The following PREX1 variants were observed in gnomAD, a reference collection of about 807,000 sequenced individuals.
PREX1 encodes the protein phosphatidylinositol-3,4,5-trisphosphate dependent Rac exchange factor 1.
In PREX1, 41 loss-of-function variants were observed where a neutral mutation model predicts 198.3. The observed-to-expected ratio is 0.21, with a 90% CI of 0.16 to 0.27. The LOEUF (loss-of-function observed/expected upper bound fraction) is 0.27, where lower values mean the gene tolerates loss of function less well. Among genes scored for constraint, PREX1 ranks in the 10% least tolerant of loss-of-function variants. The pLI, the probability that PREX1 is intolerant of heterozygous loss-of-function variation, is 1.00. For missense variants in PREX1, 1,620 were observed against 2,200.7 expected (o/e 0.74, Z 5.28); for synonymous variants, 843 against 887.2 (o/e 0.95, Z 0.89).
At chr20:48,845,164 T>C in the PREX1 span, among the ~76,000 whole-genome samples, 2 of 152,210 alleles carry the variant, frequency 1.3e-5, no homozygotes, top group African/African-American at 2.4e-5. Flanking sequence ...TTATGCAAGA[T>C]GTAGGGGATA....
intron 1 of PREX1, among the ~76,000 whole-genome samples, chr20:48,771,261 A>T (rs892833679): frequency 1.3e-4 from 20 of 150,794 alleles, no homozygotes; most frequent in Non-Finnish European, 2.1e-4. Context: ...TCCGACCTTT[A>T]GGTTGTTGCC....
chr20:48,884,033 G>T, the PREX1 span, among the ~76,000 whole-genome samples: 8 of 151,750 alleles, frequency 5.3e-5, no homozygotes, highest in Admixed American at 3.9e-4. Flanking sequence ...TCAGCTACTC[G>T]GGAGGCTGAG....
At chr20:48,661,620 G>A (rs955381694) in intron 15 of PREX1, among the ~76,000 whole-genome samples, 16 of 147,838 alleles carry the variant, frequency 1.1e-4, no homozygotes, top group African/African-American at 4.0e-4. Context: ...AAAATAACCA[G>A]TATCAACCAA....
chr20:48,687,233 C>T (rs2089790504), intron 10 of PREX1, among the ~76,000 whole-genome samples: 2 of 152,222 alleles, frequency 1.3e-5, no homozygotes, highest in Admixed American at 1.3e-4. Context: ...TGCAACCAAC[C>T]AACAAGCCCA....
At chr20:48,647,923 T>C (rs2089463176) in intron 25 of PREX1, among the ~76,000 whole-genome samples, 1 of 152,204 alleles carries the variant, frequency 6.6e-6, no homozygotes. Context: ...TGTTTTGTTT[T>C]GAGACAGGGT....
chr20:48,748,921 C>A (rs746045400), intron 1 of PREX1, among the ~76,000 whole-genome samples: 1 of 152,124 alleles, frequency 6.6e-6, no homozygotes, highest in South Asian at 2.1e-4. Context: ...TCTGTTATTG[C>A]AAGGAACTGG....
intron 1 of PREX1, among the ~76,000 whole-genome samples, chr20:48,802,557 G>A (rs763942681): frequency 9.2e-5 from 14 of 152,142 alleles, no homozygotes; most frequent in South Asian, 2.1e-4. Flanking sequence ...AACAGCCCCC[G>A]ACTCTAATTC....
intron 1 of PREX1, among the ~76,000 whole-genome samples, chr20:48,812,017 G>A (rs974239246): frequency 2.6e-5 from 4 of 152,208 alleles, no homozygotes; most frequent in South Asian, 2.1e-4. Flanking sequence ...CCTGAAAAGC[G>A]AGATGATTGG....
intron 5 of PREX1, among the ~76,000 whole-genome samples, chr20:48,720,742 C>T (rs1229328017): frequency 6.6e-6 from 1 of 152,022 alleles, no homozygotes; most frequent in Non-Finnish European, 1.5e-5. Flanking sequence ...TCAACACCTC[C>T]CTGGCAATGG....
intron 7 of PREX1, among the ~76,000 whole-genome samples, chr20:48,693,108 A>G (rs1397600207): frequency 6.6e-6 from 1 of 152,214 alleles, no homozygotes; most frequent in Non-Finnish European, 1.5e-5. Flanking sequence ...GAAAATGAGG[A>G]AAGACCTGTT....
intron 30 of PREX1, 24 bp from the exon 31 acceptor site, chr20:48,637,776 A>C: frequency 3.5e-6 from 5 of 1,438,492 alleles, no homozygotes; most frequent in Non-Finnish European, 4.8e-6. Context: ...GGAGACAGAA[A>C]GGGGGACGGG....
Position 48,681,614 on chromosome 20 carries a change from G to A in PREX1, c.1335-279C>T, listed in dbSNP as rs182545464. Among the ~76,000 whole-genome samples, 200 of 152,220 alleles carry A rather than the reference G, an allele frequency of 1.3e-3. 2 individuals are homozygous for A. Among genetic ancestry groups the A allele is most frequent in the Admixed American group, 0.013 (200 of 15,288 alleles). On this transcript the variant is annotated intron_variant, in intron 10 of 39. Coordinates refer to ENST00000371941, the MANE Select transcript of PREX1 (RefSeq NM_020820.4). Reference sequence around the variant, plus strand: ...AGGAAGGAAGGAAGGGAGAGAGGGAGGGAGGGAGAGAGGGAAGGAGGGAAG... The same window carrying A: ...AGGAAGGAAGGAAGGGAGAGAGGGAAGGAGGGAGAGAGGGAAGGAGGGAAG...
intron 3 of PREX1, among the ~76,000 whole-genome samples, chr20:48,740,571 C>T (rs1284917962): frequency 6.6e-6 from 1 of 152,222 alleles, no homozygotes; most frequent in Admixed American, 6.5e-5. Context: ...TCTCCTTTAG[C>T]TGCTTCCAAG....
the PREX1 span, among the ~76,000 whole-genome samples, chr20:48,861,122 G>C: frequency 6.6e-6 from 1 of 152,136 alleles, no homozygotes; most frequent in African/African-American, 2.4e-5. Context: ...GATGTTAATA[G>C]CCTGGAGCAG....
At chr20:48,838,055 C>CA in the PREX1 span, among the ~76,000 whole-genome samples, 3 of 152,218 alleles carry the variant, frequency 2.0e-5, no homozygotes, top group East Asian at 5.8e-4. Flanking sequence ...CTACAGTGCT[C>CA]AGAGGATGCA....
At chr20:48,826,156 T>C (rs778078818) in intron 1 of PREX1, among the ~76,000 whole-genome samples, 11 of 151,876 alleles carry the variant, frequency 7.2e-5, no homozygotes, top group Non-Finnish European at 1.3e-4. Context: ...TCCCAAAGAC[T>C]AGGAGCTACA....
chr20:48,888,011 A>C, the PREX1 span, among the ~76,000 whole-genome samples: 1 of 152,178 alleles, frequency 6.6e-6, no homozygotes, highest in Non-Finnish European at 1.5e-5. Context: ...TGGGCCAAGC[A>C]CTGTGGGTCA....
intron 6 of PREX1, among the ~76,000 whole-genome samples, chr20:48,702,633 G>A (rs2089881434): frequency 1.3e-5 from 2 of 152,186 alleles, no homozygotes; most frequent in Non-Finnish European, 2.9e-5. Flanking sequence ...ACACTGCAGC[G>A]GGTGGTGGGA....
intron 1 of PREX1, among the ~76,000 whole-genome samples, chr20:48,772,267 C>A (rs951521450): frequency 1.3e-5 from 2 of 152,194 alleles, no homozygotes; most frequent in Non-Finnish European, 2.9e-5. Flanking sequence ...TATCACTGAG[C>A]AAAACTGGGG....
Sources: allele counts gnomAD v4.1 joint callset (sites outside exome capture counted in the v4.1 genomes callset), GRCh38; gene constraint gnomAD v4.1.1; transcripts MANE v1.5; gene names NCBI Gene and HGNC (gene_info 2026-07-23, HGNC 2026-07-21).